CCDC172: variants seen among roughly 807,000 people sequenced by gnomAD.
CCDC172 encodes coiled-coil domain-containing protein 172.
CCDC172 carries 30 observed loss-of-function variants against 38.0 expected under a neutral mutation model. The ratio of observed to expected loss-of-function variants is 0.79; its 90% CI spans 0.59 to 1.07. CCDC172 has a LOEUF of 1.07. Ranked by LOEUF, CCDC172 falls within the 50% of genes least tolerant of loss-of-function variation. The pLI is 0.00. For missense variants in CCDC172, 297 were observed against 290.1 expected (o/e 1.02, Z -0.17); for synonymous variants, 78 against 88.3 (o/e 0.88, Z 0.66).
chr10:116,330,595 G>A (rs1186675793), intron 3 of CCDC172, among the ~76,000 whole-genome samples: 1 of 150,044 alleles, frequency 6.7e-6, no homozygotes, highest in East Asian at 2.0e-4. Context: ...TTTTGATATA[G>A]TATCAAAGAA....
chr10:116,328,933 A>G (rs1162672581), intron 3 of CCDC172, among the ~76,000 whole-genome samples: 1 of 152,150 alleles, frequency 6.6e-6, no homozygotes, highest in Admixed American at 6.5e-5. Flanking sequence ...CACTTAATCA[A>G]AAAAATTTAG....
At chr10:116,342,251 T>A in intron 5 of CCDC172, 50 bp downstream of exon 5, 1 of 1,469,404 alleles carries the variant, frequency 6.8e-7, no homozygotes, top group Non-Finnish European at 9.0e-7. Flanking sequence ...AAATAACTTA[T>A]TTTGAATGAA....
intron 5 of CCDC172, among the ~76,000 whole-genome samples, chr10:116,349,443 C>A (rs1391349219): frequency 6.6e-6 from 1 of 152,122 alleles, no homozygotes; most frequent in Non-Finnish European, 1.5e-5. Context: ...TCAAATGTTA[C>A]ATCTTCAGGA....
At chr10:116,338,814 A>G (rs1255828734) in intron 3 of CCDC172, among the ~76,000 whole-genome samples, 1 of 152,112 alleles carries the variant, frequency 6.6e-6, no homozygotes, top group Admixed American at 6.5e-5. Flanking sequence ...GAAATCCGTT[A>G]GTTTGATAAG....
intron 3 of CCDC172, among the ~76,000 whole-genome samples, chr10:116,336,376 T>A (rs1331465261): frequency 2.6e-5 from 2 of 76,756 alleles, no homozygotes; most frequent in Non-Finnish European, 5.5e-5. Flanking sequence ...GAGAGATGGC[T>A]GGAGAGGGAG....
At chr10:116,361,839 C>G (rs1057063580) in intron 7 of CCDC172, among the ~76,000 whole-genome samples, 4 of 152,110 alleles carry the variant, frequency 2.6e-5, no homozygotes, top group African/African-American at 9.7e-5. Flanking sequence ...TTTTCAAACT[C>G]TTTCAAGGAT....
At chr10:116,368,604 C>G (rs1003565342) in intron 7 of CCDC172, among the ~76,000 whole-genome samples, 3 of 151,824 alleles carry the variant, frequency 2.0e-5, no homozygotes, top group Admixed American at 6.6e-5. Flanking sequence ...CACTTTTTTT[C>G]TGGTGCAAGA....
intron 7 of CCDC172, among the ~76,000 whole-genome samples, chr10:116,378,041 T>C (rs1845269155): frequency 6.6e-6 from 1 of 151,772 alleles, no homozygotes; most frequent in African/African-American, 2.4e-5. Context: ...ATTAGCTGAG[T>C]GTGGTGGCAG....
chr10:116,339,263 A>C (rs1447093694), intron 3 of CCDC172, among the ~76,000 whole-genome samples: 1 of 151,994 alleles, frequency 6.6e-6, no homozygotes, highest in African/African-American at 2.4e-5. Flanking sequence ...CCTGAATTTT[A>C]GTCCTGGATT....
At chr10:116,365,603 A>G (rs1345556850) in intron 7 of CCDC172, among the ~76,000 whole-genome samples, 2 of 152,236 alleles carry the variant, frequency 1.3e-5, no homozygotes, top group African/African-American at 4.8e-5. Context: ...GTGTAAATAT[A>G]TGATGCTTAA....
At chr10:116,369,311 GT>G (rs912365783) in intron 7 of CCDC172, among the ~76,000 whole-genome samples, 1 of 151,896 alleles carries the variant, frequency 6.6e-6, no homozygotes, top group African/African-American at 2.4e-5. Flanking sequence ...ATCCAGAGGT[GT>G]TTCATTCCAT....
At chr10:116,365,835 C>T (rs914227521) in intron 7 of CCDC172, among the ~76,000 whole-genome samples, 1 of 152,084 alleles carries the variant, frequency 6.6e-6, no homozygotes, top group Non-Finnish European at 1.5e-5. Context: ...CACATACTTA[C>T]CATTGTGTTT....
chr10:116,344,457 C>T (rs570454066), intron 5 of CCDC172, among the ~76,000 whole-genome samples: 19 of 152,218 alleles, frequency 1.2e-4, no homozygotes, highest in African/African-American at 4.3e-4. Flanking sequence ...AGAAAAGGTA[C>T]AGCAAAAATA....
chr10:116,359,911 T>C (rs7091229), intron 7 of CCDC172, among the ~76,000 whole-genome samples: 2,935 of 152,314 alleles, frequency 0.019, 97 homozygotes, highest in African/African-American at 0.067. Context: ...TCTATCTTGA[T>C]GTTATCCATT....
chr10:116,327,635 G>T (rs1009517862), intron 3 of CCDC172, among the ~76,000 whole-genome samples: 1 of 152,002 alleles, frequency 6.6e-6, no homozygotes, highest in African/African-American at 2.4e-5. Context: ...AGGTTCATAA[G>T]CATGCATTGC....
At chr10:116,378,272 C>A in intron 7 of CCDC172, 151 bp from the exon 8 acceptor site, 1 of 777,950 alleles carries the variant, frequency 1.3e-6, no homozygotes, top group Non-Finnish European at 1.9e-6. Context: ...TTTATATAGT[C>A]TTTATGGAAT....
intron 7 of CCDC172, among the ~76,000 whole-genome samples, chr10:116,362,826 T>A (rs1459723409): frequency 6.6e-6 from 1 of 152,176 alleles, no homozygotes; most frequent in Non-Finnish European, 1.5e-5. Context: ...CTGGTAAAAC[T>A]TCATCATTTA....
At chr10:116,358,220 C>T (rs919200233) in intron 7 of CCDC172, among the ~76,000 whole-genome samples, 1 of 152,100 alleles carries the variant, frequency 6.6e-6, no homozygotes, top group African/African-American at 2.4e-5. Context: ...GATAAGACAA[C>T]TCTCCTTTCT....
intron 7 of CCDC172, among the ~76,000 whole-genome samples, chr10:116,371,944 T>C (rs796729139): frequency 3.3e-5 from 5 of 152,252 alleles, no homozygotes; most frequent in African/African-American, 1.2e-4. Context: ...CTTCTCTCAG[T>C]GTTTCCCTAC....
Sources: allele counts gnomAD v4.1 joint callset (sites outside exome capture counted in the v4.1 genomes callset), GRCh38; gene constraint gnomAD v4.1.1; transcripts MANE v1.5; gene names NCBI Gene and HGNC (gene_info 2026-07-23, HGNC 2026-07-21).